ADK: variants seen among roughly 807,000 people sequenced by gnomAD.
ADK encodes adenosine kinase.
ADK carries 24 observed loss-of-function variants against 44.7 expected under a neutral mutation model. The ratio of observed to expected loss-of-function variants is 0.54; its 90% CI spans 0.39 to 0.76. The LOEUF (loss-of-function observed/expected upper bound fraction) is 0.76, where lower values mean the gene tolerates loss of function less well. Among genes scored for constraint, ADK ranks in the 30% least tolerant of loss-of-function variants. The pLI, the probability that ADK is intolerant of heterozygous loss-of-function variation, is 0.00. For missense variants in ADK, 321 were observed against 425.1 expected, an observed-to-expected ratio of 0.76 and a Z score of 2.15; for synonymous variants, 128 against 142.6, an observed-to-expected ratio of 0.90 and a Z score of 0.73.
chr10:74,412,473 A>G (rs892340101), intron 6 of ADK, among the ~76,000 whole-genome samples: 1 of 152,126 alleles, frequency 6.6e-6, no homozygotes. Context: ...TGGAATGATG[A>G]ATTATTTTCA....
chr10:74,332,451 G>T (rs1355554334), intron 4 of ADK, among the ~76,000 whole-genome samples: 1 of 152,192 alleles, frequency 6.6e-6, no homozygotes, highest in Non-Finnish European at 1.5e-5. Context: ...ATCTGCTCTA[G>T]AATTTATTAC....
chr10:74,376,201 C>T (rs1842815892), intron 4 of ADK, among the ~76,000 whole-genome samples: 1 of 151,998 alleles, frequency 6.6e-6, no homozygotes, highest in African/African-American at 2.4e-5. Flanking sequence ...TTAATCCCAT[C>T]ATTATTACTC....
At chr10:74,405,781 A>G (rs926578400) in intron 6 of ADK, among the ~76,000 whole-genome samples, 10 of 152,164 alleles carry the variant, frequency 6.6e-5, no homozygotes, top group African/African-American at 2.2e-4. Context: ...TTTGATGAAA[A>G]AAATGATGAG....
chr10:74,389,059 C>G (rs1201191383), intron 4 of ADK, among the ~76,000 whole-genome samples: 1 of 152,202 alleles, frequency 6.6e-6, no homozygotes, highest in Non-Finnish European at 1.5e-5. Flanking sequence ...GCCTGTTATT[C>G]AATGTCTGAA....
intron 7 of ADK, among the ~76,000 whole-genome samples, chr10:74,567,941 C>T (rs989063675): frequency 9.9e-5 from 15 of 152,050 alleles, no homozygotes; most frequent in South Asian, 4.2e-4. Flanking sequence ...CCTCGTAATC[C>T]GCCCGCCTCA....
At chr10:74,234,444 A>G (rs1332880845) in intron 3 of ADK, among the ~76,000 whole-genome samples, 1 of 152,190 alleles carries the variant, frequency 6.6e-6, no homozygotes, top group African/African-American at 2.4e-5. Flanking sequence ...TCCATTTTGT[A>G]TAAGTTCAGT....
chr10:74,626,829 G>A (rs12267421), intron 9 of ADK, among the ~76,000 whole-genome samples: 2 of 152,142 alleles, frequency 1.3e-5, no homozygotes, highest in Admixed American at 1.3e-4. Context: ...TGGAGGCCTA[G>A]AGAACAAGGG....
At chr10:74,182,648 G>C (rs1049331144) in intron 1 of ADK, among the ~76,000 whole-genome samples, 1 of 152,132 alleles carries the variant, frequency 6.6e-6, no homozygotes, top group Non-Finnish European at 1.5e-5. Flanking sequence ...ACAGGCATGA[G>C]CTACCGTGCC....
At chr10:74,466,975 A>G (rs917854068) in intron 6 of ADK, among the ~76,000 whole-genome samples, 7 of 152,190 alleles carry the variant, frequency 4.6e-5, no homozygotes, top group African/African-American at 1.2e-4. Context: ...AAATTAATGT[A>G]TATATACATG....
chr10:74,187,767 C>A (rs1842810880), intron 1 of ADK, among the ~76,000 whole-genome samples: 1 of 152,034 alleles, frequency 6.6e-6, no homozygotes, highest in Non-Finnish European at 1.5e-5. Flanking sequence ...GGCCTATGAT[C>A]TATCTTAAAC....
intron 9 of ADK, among the ~76,000 whole-genome samples, chr10:74,634,675 T>G (rs1853563003): frequency 6.6e-6 from 1 of 151,898 alleles, no homozygotes; most frequent in African/African-American, 2.4e-5. Context: ...CCGGGTGCAG[T>G]GGCTCACACC....
intron 6 of ADK, among the ~76,000 whole-genome samples, chr10:74,520,403 A>C (rs889284988): frequency 2.6e-5 from 4 of 151,842 alleles, no homozygotes; most frequent in Admixed American, 1.3e-4. Flanking sequence ...CTTTTGAATT[A>C]ATATAGACTT....
intron 9 of ADK, among the ~76,000 whole-genome samples, chr10:74,639,094 C>A (rs1228384539): frequency 6.6e-6 from 1 of 152,156 alleles, no homozygotes; most frequent in Non-Finnish European, 1.5e-5. Context: ...TAAGCATGAA[C>A]CACCATGCTC....
At chr10:74,290,937 G>A (rs1847396452) in intron 3 of ADK, among the ~76,000 whole-genome samples, 1 of 152,140 alleles carries the variant, frequency 6.6e-6, no homozygotes, top group Admixed American at 6.5e-5. Context: ...GTCATCTGGA[G>A]AAAATGGGCT....
chr10:74,547,803 C>T (rs74793825), intron 7 of ADK, among the ~76,000 whole-genome samples: 6 of 152,190 alleles, frequency 3.9e-5, no homozygotes. Context: ...GGATTACAGG[C>T]ATGTGCCACA....
intron 7 of ADK, among the ~76,000 whole-genome samples, chr10:74,589,011 C>T (rs1242816803): frequency 6.6e-6 from 1 of 152,190 alleles, no homozygotes; most frequent in Non-Finnish European, 1.5e-5. Flanking sequence ...GGTCAGAACA[C>T]CTGAACTCAC....
In ADK at chr10:74,176,999, C is replaced by T. The variant is rs113854391; in HGVS notation, c.66-23765C>T. The T allele has an allele frequency of 1.1e-3, 1,650 of 1,448,466 alleles. 21 individuals are homozygous for T. The African/African-American group carries it at 0.02, about 17-fold the overall frequency. 89.7% of individuals were successfully genotyped at this position (1,448,466 alleles called of 1,614,324 possible). On this transcript the variant is annotated intron_variant, in intron 1 of 10. Transcript: ENST00000539909. ...TCTGGAGCCTGCCTCCGCCTCTGGT[C>T]CCCCTCGTGTTGGGGGTTCCCTCCG...
At chr10:74,277,321 G>A (rs890223237) in intron 3 of ADK, among the ~76,000 whole-genome samples, 2 of 152,004 alleles carry the variant, frequency 1.3e-5, no homozygotes, top group Non-Finnish European at 2.9e-5. Context: ...TACCTTTTTT[G>A]TGTGACCTGG....
In ADK at chr10:74,302,105, GTTTGTT is replaced by G. The variant is rs1840065966; in HGVS notation, c.195-12558_195-12553del. On this transcript the variant is annotated intron_variant, in intron 3 of 10. Transcript: ENST00000539909. ...TTTCTTTTCTGTTTTTTTTTTGTTT[GTTTGTT>G]TTTTTTTTTTTTTTTTTTTTTTTTT... Among the ~76,000 whole-genome samples, 194 of 88,902 alleles carry G rather than the reference GTTTGTT, an allele frequency of 2.2e-3. 25 individuals carry two copies. The highest frequency in any genetic ancestry group is 9.7e-3 in the African/African-American group (183 of 18,840). The allele number at this position is 88,902 out of a possible 152,430, so 58.3% of individuals were successfully genotyped here. A position where few individuals can be genotyped will look rare whatever the true frequency, so the allele number is the denominator to read the frequency against.
Sources: allele counts gnomAD v4.1 joint callset (sites outside exome capture counted in the v4.1 genomes callset), GRCh38; gene constraint gnomAD v4.1.1; transcripts MANE v1.5; gene names NCBI Gene and HGNC (gene_info 2026-07-23, HGNC 2026-07-21).